Variants in BCKDHB observed in about 807,000 individuals in gnomAD.
The protein encoded by BCKDHB is 2-oxoisovalerate dehydrogenase subunit beta, mitochondrial.
A neutral mutation model predicts 48.5 loss-of-function variants in BCKDHB; 41 were observed. The ratio of observed to expected loss-of-function variants is 0.85; its 90% confidence interval spans 0.66 to 1.10. BCKDHB has a LOEUF of 1.10. Among genes scored for constraint, BCKDHB ranks in the 50% least tolerant of loss-of-function variants. The pLI, the probability that BCKDHB is intolerant of heterozygous loss-of-function variation, is 0.00. For synonymous variants in BCKDHB, 201 were observed against 174.8 expected (o/e 1.15, Z -1.18); for missense variants, 496 against 494.2 (o/e 1.00, Z -0.03).
chr6:80,271,220 T>G (rs1478402838), intron 8 of BCKDHB, among the ~76,000 whole-genome samples: 3 of 152,160 alleles, frequency 2.0e-5, no homozygotes, highest in Non-Finnish European at 2.9e-5. Flanking sequence ...TGCAACTTAC[T>G]CATTTTACCA....
chr6:80,451,045 T>G, the BCKDHB span, among the ~76,000 whole-genome samples: 1 of 152,186 alleles, frequency 6.6e-6, no homozygotes, highest in Non-Finnish European at 1.5e-5. Context: ...TTTTAGAGAC[T>G]TCTTGTAGCC....
intron 3 of BCKDHB, among the ~76,000 whole-genome samples, chr6:80,139,847 A>G (rs1771097295): frequency 6.6e-6 from 1 of 152,144 alleles, no homozygotes; most frequent in African/African-American, 2.4e-5. Flanking sequence ...GAAGAAAGTC[A>G]TTGGTAGCTT....
chr6:80,458,888 T>TA, the BCKDHB span, among the ~76,000 whole-genome samples: 1 of 152,110 alleles, frequency 6.6e-6, no homozygotes, highest in Non-Finnish European at 1.5e-5. Flanking sequence ...TCAGTGTCAC[T>TA]AATCATCAGG....
chr6:80,403,028 CAG>C, the BCKDHB span, among the ~76,000 whole-genome samples: 1 of 151,676 alleles, frequency 6.6e-6, no homozygotes, highest in Non-Finnish European at 1.5e-5. Context: ...AATTTGGAAT[CAG>C]AAAGTGAGGT....
At chr6:80,183,263 G>C (rs139924256) in intron 6 of BCKDHB, among the ~76,000 whole-genome samples, 2 of 152,198 alleles carry the variant, frequency 1.3e-5, no homozygotes, top group East Asian at 3.9e-4. Flanking sequence ...TGGAAGGATA[G>C]GGAATCATTA....
chr6:80,171,251 A>C (rs764319105), intron 5 of BCKDHB, 31 bp from the exon 6 acceptor site: 3 of 1,375,008 alleles, frequency 2.2e-6, no homozygotes, highest in Non-Finnish European at 3.1e-6. Context: ...TATTTTTACT[A>C]AAATTGTCTT....
chr6:80,257,869 T>A (rs1400900078), intron 8 of BCKDHB, among the ~76,000 whole-genome samples: 1 of 152,086 alleles, frequency 6.6e-6, no homozygotes, highest in Admixed American at 6.6e-5. Context: ...TCTCCTTTTT[T>A]CCTTCGGACT....
intron 2 of BCKDHB, among the ~76,000 whole-genome samples, 155 bp from the exon 3 acceptor site, chr6:80,129,006 G>A (rs560069361): frequency 3.4e-4 from 51 of 152,140 alleles, no homozygotes; most frequent in African/African-American, 1.1e-3. Flanking sequence ...AGTCTAAAAT[G>A]TCAATAATGT....
chr6:80,124,885 A>G (rs965936470), intron 1 of BCKDHB, among the ~76,000 whole-genome samples: 5 of 152,198 alleles, frequency 3.3e-5, no homozygotes, highest in Non-Finnish European at 7.3e-5. Context: ...TGGATTTAGC[A>G]TAATTCTCAA....
intron 8 of BCKDHB, among the ~76,000 whole-genome samples, chr6:80,220,794 GC>G (rs1775411324): frequency 6.7e-6 from 1 of 149,224 alleles, no homozygotes; most frequent in Non-Finnish European, 1.5e-5. Flanking sequence ...GAGTGCAGTG[GC>G]AAAATCTCTA....
intron 9 of BCKDHB, among the ~76,000 whole-genome samples, chr6:80,330,831 A>AT (rs1299438621): frequency 1.3e-5 from 2 of 151,526 alleles, no homozygotes; most frequent in Non-Finnish European, 2.9e-5. Flanking sequence ...AAAATACCCA[A>AT]TTTTTTTTCT....
chr6:80,182,749 G>A (rs1773470702), intron 6 of BCKDHB, among the ~76,000 whole-genome samples: 1 of 151,906 alleles, frequency 6.6e-6, no homozygotes, highest in Non-Finnish European at 1.5e-5. Flanking sequence ...ACATTGTTTT[G>A]TAACTTGCTT....
the BCKDHB span, among the ~76,000 whole-genome samples, chr6:80,380,792 C>CA: frequency 6.6e-6 from 1 of 151,828 alleles, no homozygotes; most frequent in East Asian, 1.9e-4. Context: ...AGATGTTTCT[C>CA]AAAAAAAGAA....
chr6:80,352,571 C>A, the BCKDHB span, among the ~76,000 whole-genome samples: 1 of 152,140 alleles, frequency 6.6e-6, no homozygotes, highest in South Asian at 2.1e-4. Flanking sequence ...TGCTTGCAAC[C>A]AAAAGCATTC....
At chr6:80,315,847 A>G (rs1768419912) in intron 9 of BCKDHB, among the ~76,000 whole-genome samples, 1 of 152,128 alleles carries the variant, frequency 6.6e-6, no homozygotes. Flanking sequence ...GGAGTGAATT[A>G]TGGAAAATAT....
intron 8 of BCKDHB, among the ~76,000 whole-genome samples, chr6:80,272,529 C>T (rs773756534): frequency 2.6e-4 from 40 of 152,266 alleles, no homozygotes; most frequent in Admixed American, 4.6e-4. Flanking sequence ...TGGACAACCA[C>T]ATTGAACAAC....
At chr6:80,346,565 C>A (rs1310167358), downstream of BCKDHB, among the ~76,000 whole-genome samples, 1 of 152,152 alleles carries the variant, frequency 6.6e-6, no homozygotes, top group African/African-American at 2.4e-5. Context: ...TTCCTACTGC[C>A]TCTCTTCCGT....
At chr6:80,367,185 T>C in the BCKDHB span, among the ~76,000 whole-genome samples, 1 of 152,204 alleles carries the variant, frequency 6.6e-6, no homozygotes, top group Non-Finnish European at 1.5e-5. Context: ...AGTTACTCAA[T>C]ATAATTCTGT....
intron 6 of BCKDHB, among the ~76,000 whole-genome samples, chr6:80,191,373 C>T (rs1025849576): frequency 1.3e-5 from 2 of 152,054 alleles, no homozygotes; most frequent in Non-Finnish European, 2.9e-5. Context: ...ACAGCTAGTG[C>T]TTGGTGTCTA....
Sources: gnomAD v4.1 joint callset for allele counts (sites outside exome capture counted in the v4.1 genomes callset) on GRCh38, gnomAD v4.1.1 for gene constraint, MANE v1.5 for transcripts, NCBI Gene and HGNC (gene_info 2026-07-23, HGNC 2026-07-21) for gene names.